LYPD8: variants seen among roughly 807,000 people sequenced by gnomAD.
LYPD8 encodes ly6/PLAUR domain-containing protein 8.
A neutral mutation model predicts 1.7 loss-of-function variants in LYPD8; 8 were observed. The ratio of observed to expected loss-of-function variants is 4.58; its 90% CI spans 2.69 to 8.27. The LOEUF is 8.27. Among genes scored for constraint, LYPD8 ranks in the 30% most tolerant of loss-of-function variants. The pLI, the probability that LYPD8 is intolerant of heterozygous loss-of-function variation, is 0.00. For synonymous variants in LYPD8, 50 were observed against 43.6 expected (o/e 1.15, Z -0.58); for missense variants, 112 against 102.3 (o/e 1.09, Z -0.41).
chr1:248,750,920 C>T (rs1190529425), intron 3 of LYPD8, 110 bp downstream of exon 3: 3 of 398,340 alleles, frequency 7.5e-6, no homozygotes, highest in Non-Finnish European at 1.3e-5. Flanking sequence ...ATGGTCATCC[C>T]TGACCATAAT....
intron 2 of LYPD8, among the ~76,000 whole-genome samples, chr1:248,753,053 ACACACCC>A (rs1662846434): frequency 1.2e-5 from 1 of 86,578 alleles, no homozygotes; most frequent in African/African-American, 5.9e-5. Context: ...CACATCACAC[ACACACCC>A]CACACACCCC....
At chr1:248,746,236 T>C (rs1483223900) in intron 5 of LYPD8, among the ~76,000 whole-genome samples, 3 of 152,212 alleles carry the variant, frequency 2.0e-5, no homozygotes, top group East Asian at 3.9e-4. Context: ...ACGAAAGTTC[T>C]TTGGGGTCCT....
At position 248,741,963 on chromosome 1, in the gene LYPD8, C is replaced by T. The variant is rs144281865; in HGVS notation, c.476-2114G>A. ...AGAGCTTAGAGGGGAGGGAGGGATGCGTAGGTAGAGCATAGAGGAATTTTA... is the reference window on the plus strand; with the variant it reads ...AGAGCTTAGAGGGGAGGGAGGGATGTGTAGGTAGAGCATAGAGGAATTTTA... On this transcript the variant is annotated intron_variant, in intron 6 of 6. Transcript: ENST00000590317. Among the ~76,000 whole-genome samples, 589 of 152,212 alleles carry T rather than the reference C, an allele frequency of 3.9e-3. 3 individuals are homozygous for T. Among genetic ancestry groups the T allele is most frequent in the African/African-American group, 0.014 (564 of 41,512 alleles).
intron 2 of LYPD8, among the ~76,000 whole-genome samples, chr1:248,754,391 CA>C (rs2103175689): frequency 6.6e-6 from 1 of 151,480 alleles, no homozygotes; most frequent in East Asian, 1.9e-4. Flanking sequence ...TGCCACACAT[CA>C]CCTGTCACAC....
chr1:248,753,079 C>A, intron 2 of LYPD8, among the ~76,000 whole-genome samples: 1 of 109,206 alleles, frequency 9.2e-6, no homozygotes, highest in Non-Finnish European at 1.9e-5. Context: ...CCACACACCC[C>A]ACACCACACT....
At chr1:248,753,506 A>C (rs1319650184) in intron 2 of LYPD8, among the ~76,000 whole-genome samples, 67 of 114,092 alleles carry the variant, frequency 5.9e-4, no homozygotes, top group East Asian at 1.4e-3. Context: ...CACACAACAC[A>C]ACACACACAT....
At chr1:248,744,707 A>G (rs780032150) in intron 6 of LYPD8, among the ~76,000 whole-genome samples, 1 of 152,270 alleles carries the variant, frequency 6.6e-6, no homozygotes, top group Non-Finnish European at 1.5e-5. Flanking sequence ...TTAAGGCCCA[A>G]TTTGACTCTT....
chr1:248,752,845 A>AC (rs1662835029), intron 2 of LYPD8, among the ~76,000 whole-genome samples: 4 of 99,742 alleles, frequency 4.0e-5, no homozygotes, highest in Non-Finnish European at 5.8e-5. Context: ...CACCCCACAC[A>AC]CACACACCAC....
chr1:248,749,282 C>T (rs1315001416), intron 4 of LYPD8, among the ~76,000 whole-genome samples: 8 of 152,150 alleles, frequency 5.3e-5, no homozygotes, highest in East Asian at 1.9e-4. Flanking sequence ...ATCCTAATTT[C>T]GCACATAGAC....
At chr1:248,746,685 C>T (rs1236185331) in intron 5 of LYPD8, among the ~76,000 whole-genome samples, 2 of 25,226 alleles carry the variant, frequency 7.9e-5, no homozygotes, top group African/African-American at 2.2e-4. Context: ...ATCGCCCGCA[C>T]GGCCAGCACC....
chr1:248,752,578 T>C (rs1356672408), intron 2 of LYPD8, among the ~76,000 whole-genome samples: 6 of 70,484 alleles, frequency 8.5e-5, no homozygotes, highest in Middle Eastern at 0.013. Context: ...AACACACACA[T>C]CACACACACA....
At chr1:248,754,134 A>G (rs1201024037) in intron 2 of LYPD8, among the ~76,000 whole-genome samples, 1 of 144,226 alleles carries the variant, frequency 6.9e-6, no homozygotes, top group Non-Finnish European at 1.5e-5. Context: ...ACCACACCAC[A>G]CACACTTCAC....
chr1:248,746,616 C>G (rs1234977664), intron 5 of LYPD8, among the ~76,000 whole-genome samples: 15,119 of 82,412 alleles, frequency 0.18, 496 homozygotes, highest in East Asian at 0.35. Flanking sequence ...CCAGGGCATC[C>G]CCCGCACGGC....
chr1:248,748,310 T>C lies in LYPD8; in HGVS notation c.316A>G (p.Ser106Gly). 2.1e-6 allele frequency: 1 copy of C among 471,948 alleles called. No individual in the cohort carries two copies. The allele number at this position is 471,948 out of a possible 1,614,324, so 29.2% of individuals were successfully genotyped here. ...CCACCCAGGGCATCGCTGGTGTTGC[T>C]GCATTCCTTTCCTTGGCAGCACTGG... Reference protein sequence around the residue: ...VSQCCQGKECSNTSDALDPPL... With the variant: ...VSQCCQGKECGNTSDALDPPL... Residue 106 changes from serine (S) to glycine (G), a missense_variant, in exon 5 of 7, where the codon AGC becomes GGC. Physicochemically the swap from Ser to Gly is moderately conservative, Grantham distance 56. Transcript: ENST00000590317.
At chr1:248,754,223 C>CA (rs1662888431) in intron 2 of LYPD8, among the ~76,000 whole-genome samples, 2 of 151,084 alleles carry the variant, frequency 1.3e-5, no homozygotes, top group Non-Finnish European at 3.0e-5. Context: ...ACATACAACA[C>CA]ACCACACACA....
rs1391752090 is a variant in LYPD8 at position 248,753,779 on chromosome 1, CACA to C, written c.-50+1457_-50+1459del. Among the ~76,000 whole-genome samples the C allele has an allele frequency of 5.4e-3, 809 of 149,778 alleles. 10 individuals carry two copies. Among genetic ancestry groups the C allele is most frequent in the African/African-American group, 0.018 (726 of 40,512 alleles). On this transcript the variant is annotated intron_variant, in intron 2 of 6. Coordinates refer to ENST00000590317, the MANE Select transcript of LYPD8 (RefSeq NM_001085474.2). ...CATACACACCACATCACACACACAC[CACA>C]CATCACATGTCATACACAGCACATA...
At chr1:248,749,396 T>C (rs1662760895) in intron 4 of LYPD8, among the ~76,000 whole-genome samples, 1 of 152,244 alleles carries the variant, frequency 6.6e-6, no homozygotes, top group South Asian at 2.1e-4. Flanking sequence ...GATAACAGTA[T>C]GTGTCTTAGT....
At chr1:248,741,679 C>T (rs1310136341) in intron 6 of LYPD8, among the ~76,000 whole-genome samples, 1 of 152,218 alleles carries the variant, frequency 6.6e-6, no homozygotes, top group Non-Finnish European at 1.5e-5. Context: ...GAAAATCGAT[C>T]CCTTTTATCA....
intron 6 of LYPD8, among the ~76,000 whole-genome samples, chr1:248,744,712 A>G (rs1662701093): frequency 1.3e-5 from 2 of 152,324 alleles, no homozygotes; most frequent in South Asian, 4.1e-4. Flanking sequence ...GCCCAATTTG[A>G]CTCTTTCTGC....
Sources: gnomAD v4.1 joint callset for allele counts (sites outside exome capture counted in the v4.1 genomes callset) on GRCh38, gnomAD v4.1.1 for gene constraint, MANE v1.5 for transcripts, NCBI Gene and HGNC (gene_info 2026-07-23, HGNC 2026-07-21) for gene names.